Variants in FAF1 observed in about 807,000 individuals in gnomAD.
FAF1 encodes Fas associated factor 1.
In FAF1, 25 loss-of-function variants were observed where a neutral mutation model predicts 92.5. That is an observed-to-expected ratio of 0.27 (90% CI 0.20 to 0.38). The LOEUF (loss-of-function observed/expected upper bound fraction) is 0.38. Among genes scored for constraint, FAF1 ranks in the 10% least tolerant of loss-of-function variants. FAF1 has a pLI of 1.00. For synonymous variants in FAF1, 234 were observed against 273.2 expected (o/e 0.86, Z 1.42); for missense variants, 636 against 793.3 (o/e 0.80, Z 2.38).
At chr1:50,614,699 C>T (rs981614790) in intron 8 of FAF1, among the ~76,000 whole-genome samples, 2 of 151,698 alleles carry the variant, frequency 1.3e-5, no homozygotes, top group East Asian at 1.9e-4. Context: ...ATTAGCTGGG[C>T]GTCATGGTGT....
chr1:50,564,741 T>C (rs1358406771), intron 13 of FAF1, among the ~76,000 whole-genome samples: 1 of 152,152 alleles, frequency 6.6e-6, no homozygotes, highest in Non-Finnish European at 1.5e-5. Context: ...TGTGATATGA[T>C]AGGTGGCAAG....
intron 4 of FAF1, among the ~76,000 whole-genome samples, chr1:50,748,635 T>C (rs1364578905): frequency 6.6e-6 from 1 of 152,232 alleles, no homozygotes; most frequent in Non-Finnish European, 1.5e-5. Flanking sequence ...AATCTACTTA[T>C]AAATTAATCA....
chr1:50,873,395 T>C (rs778471850), intron 1 of FAF1, among the ~76,000 whole-genome samples: 5 of 152,208 alleles, frequency 3.3e-5, no homozygotes, highest in Admixed American at 1.3e-4. Context: ...CCTTTTTTAC[T>C]GCTTCCCTGA....
intron 18 of FAF1, among the ~76,000 whole-genome samples, chr1:50,450,649 T>C (rs1471300328): frequency 6.6e-6 from 1 of 152,214 alleles, no homozygotes; most frequent in Non-Finnish European, 1.5e-5. Context: ...GTCTATTTTC[T>C]TTAATCACCT....
intron 2 of FAF1, among the ~76,000 whole-genome samples, chr1:50,815,194 GAGT>G (rs1190795472): frequency 6.6e-6 from 1 of 152,214 alleles, no homozygotes; most frequent in Non-Finnish European, 1.5e-5. Context: ...GTCGTGAGCA[GAGT>G]ACCTAATAGG....
intron 7 of FAF1, among the ~76,000 whole-genome samples, chr1:50,663,415 A>ATTTTT (rs1188471030): frequency 7.4e-6 from 1 of 135,908 alleles, no homozygotes; most frequent in African/African-American, 2.8e-5. Flanking sequence ...TTTAATTTCA[A>ATTTTT]TTTTTTTTTT....
intron 10 of FAF1, 108 bp downstream of exon 10, chr1:50,584,577 C>T: frequency 9.1e-7 from 1 of 1,099,868 alleles, no homozygotes; most frequent in Non-Finnish European, 1.3e-6. Context: ...ATCTTATCTC[C>T]TCAAACCTGG....
chr1:50,525,729 T>C (rs1351897741), intron 15 of FAF1, among the ~76,000 whole-genome samples: 1 of 152,218 alleles, frequency 6.6e-6, no homozygotes, highest in East Asian at 1.9e-4. Flanking sequence ...TTCCCTTTTT[T>C]TCCTATTTAA....
intron 18 of FAF1, among the ~76,000 whole-genome samples, chr1:50,458,190 G>A (rs1363180810): frequency 6.6e-6 from 1 of 152,152 alleles, no homozygotes; most frequent in African/African-American, 2.4e-5. Flanking sequence ...TCCAGCCTGG[G>A]CAACAAGGGT....
chr1:50,613,138 A>G (rs1479895866), intron 8 of FAF1, among the ~76,000 whole-genome samples: 1 of 152,206 alleles, frequency 6.6e-6, no homozygotes, highest in Non-Finnish European at 1.5e-5. Context: ...CTAGAGAAAT[A>G]TATAACCTAC....
At chr1:50,707,163 A>C (rs1657707911) in intron 6 of FAF1, among the ~76,000 whole-genome samples, 1 of 149,064 alleles carries the variant, frequency 6.7e-6, no homozygotes, top group Non-Finnish European at 1.5e-5. Flanking sequence ...AGATTGTGCC[A>C]CTGCACTCCA....
intron 8 of FAF1, among the ~76,000 whole-genome samples, chr1:50,636,194 A>C (rs1653998911): frequency 6.6e-6 from 1 of 152,110 alleles, no homozygotes; most frequent in South Asian, 2.1e-4. Flanking sequence ...AAATGCACCC[A>C]TTTTAAAGCA....
At chr1:50,755,179 G>A (rs1482083204) in intron 4 of FAF1, among the ~76,000 whole-genome samples, 6 of 151,952 alleles carry the variant, frequency 3.9e-5, no homozygotes, top group Admixed American at 3.3e-4. Context: ...AAGTCCCTTC[G>A]ACCTACGAGC....
intron 2 of FAF1, among the ~76,000 whole-genome samples, chr1:50,836,951 CTTTTTTTTTTTTTT>C (rs528322924): frequency 0.015 from 1,115 of 76,780 alleles, 40 homozygotes; most frequent in African/African-American, 0.055. Flanking sequence ...TGTTATGTTT[CTTTTTTTTTTTTTT>C]TTTTTTTTTT....
At chr1:50,630,500 T>G (rs549689393) in intron 8 of FAF1, among the ~76,000 whole-genome samples, 1 of 152,310 alleles carries the variant, frequency 6.6e-6, no homozygotes, top group African/African-American at 2.4e-5. Flanking sequence ...TAACATGCAG[T>G]CTCCCCACAT....
At chr1:50,501,368 T>C (rs571350841) in intron 15 of FAF1, among the ~76,000 whole-genome samples, 2 of 152,146 alleles carry the variant, frequency 1.3e-5, no homozygotes, top group African/African-American at 4.8e-5. Context: ...ATGTCTCAGT[T>C]TAAAAGACTA....
At chr1:50,910,377 A>T (rs1644874984) in intron 1 of FAF1, among the ~76,000 whole-genome samples, 2 of 151,914 alleles carry the variant, frequency 1.3e-5, no homozygotes, top group Admixed American at 1.3e-4. Flanking sequence ...CAGATCTCAA[A>T]CTCTGTGCTG....
At chr1:50,508,595 G>C (rs1256776040) in intron 15 of FAF1, among the ~76,000 whole-genome samples, 1 of 152,222 alleles carries the variant, frequency 6.6e-6, no homozygotes, top group African/African-American at 2.4e-5. Context: ...TGGGGATGGA[G>C]AGTGACTGCC....
chr1:50,837,868 T>G (rs1295077846), intron 2 of FAF1, among the ~76,000 whole-genome samples: 1 of 151,872 alleles, frequency 6.6e-6, no homozygotes, highest in African/African-American at 2.4e-5. Context: ...CTCAGCCTCC[T>G]GAGCAGCTGG....
Sources: allele counts gnomAD v4.1 joint callset (sites outside exome capture counted in the v4.1 genomes callset), GRCh38; gene constraint gnomAD v4.1.1; transcripts MANE v1.5; gene names NCBI Gene and HGNC (gene_info 2026-07-23, HGNC 2026-07-21).